Variants in DIP2B observed in about 807,000 individuals in gnomAD.
DIP2B encodes DIP2 acetate--CoA ligase B (putative), also known as disco-interacting protein 2 homolog B.
In DIP2B, 76 loss-of-function variants were observed where a neutral mutation model predicts 198.0. The observed-to-expected ratio is 0.38, with a 90% CI of 0.32 to 0.46. The LOEUF (loss-of-function observed/expected upper bound fraction) is 0.46, where lower values mean the gene tolerates loss of function less well. DIP2B is among the 20% of genes least tolerant of loss of function. The pLI is 0.99. For missense variants in DIP2B, 1,559 were observed against 1,978.4 expected, an observed-to-expected ratio of 0.79 and a Z score of 4.02; for synonymous variants, 701 against 739.1, an observed-to-expected ratio of 0.95 and a Z score of 0.84.
intron 1 of DIP2B, among the ~76,000 whole-genome samples, chr12:50,576,337 G>A (rs1379350565): frequency 3.3e-5 from 5 of 150,446 alleles, no homozygotes; most frequent in Non-Finnish European, 7.4e-5. Flanking sequence ...AAAGTGCTGG[G>A]ATTACAGATG....
chr12:50,557,188 T>C (rs1958479178), intron 1 of DIP2B, among the ~76,000 whole-genome samples: 1 of 152,218 alleles, frequency 6.6e-6, no homozygotes, highest in African/African-American at 2.4e-5. Context: ...TCTTTATCTA[T>C]AAAATGGAGA....
intron 1 of DIP2B, among the ~76,000 whole-genome samples, chr12:50,585,731 C>T (rs542947104): frequency 5.3e-5 from 8 of 152,222 alleles, no homozygotes; most frequent in Admixed American, 3.9e-4. Flanking sequence ...AAGGTATAGA[C>T]GTGATCTAAT....
chr12:50,507,371 G>T (rs1406739652), intron 1 of DIP2B, among the ~76,000 whole-genome samples: 2 of 152,210 alleles, frequency 1.3e-5, no homozygotes, highest in Non-Finnish European at 2.9e-5. Context: ...TGGAGAAGTG[G>T]ATAGACATTA....
At chr12:50,725,870 T>TA (rs144690452) in intron 28 of DIP2B, among the ~76,000 whole-genome samples, 15,850 of 151,148 alleles carry the variant, frequency 0.1, 1,154 homozygotes, top group Non-Finnish European at 0.16. Context: ...TTTTTTTTTT[T>TA]AACTCTGGAT....
rs1938846799 is a variant in DIP2B, at chr12:50,671,210, A to G, written c.452A>G (p.Glu151Gly). 6.2e-7 allele frequency: 1 copy of G among 1,614,160 alleles called. No individual in the cohort carries two copies. Among genetic ancestry groups the G allele is most frequent in the Non-Finnish European group, 8.5e-7 (1 of 1,180,040 alleles). Residue 151 changes from glutamate (E) to glycine (G), a missense_variant, in exon 5 of 38, where the codon GAG becomes GGG. Transcript: ENST00000301180. ...GACACATCTTCGGCCTCTGAGGATG[A>G]GGGCTCTCTGAGACGCCAAGCTGCG... ...PPDTSSASED[E>G]GSLRRQAALS...
At chr12:50,737,250 C>A in intron 35 of DIP2B, 140 bp downstream of exon 35, 1 of 734,556 alleles carries the variant, frequency 1.4e-6, no homozygotes, top group Non-Finnish European at 2.2e-6. Context: ...AGGCATGAGA[C>A]TGAAATTGAC....
chr12:50,731,677 A>C (rs1940045199), intron 31 of DIP2B, 140 bp downstream of exon 31: 1 of 1,009,888 alleles, frequency 9.9e-7, no homozygotes, highest in South Asian at 2.1e-5. Context: ...GGTGTATTTT[A>C]AACTTTGGCA....
At chr12:50,658,070 TA>T (rs1307295976) in intron 3 of DIP2B, among the ~76,000 whole-genome samples, 1 of 132,744 alleles carries the variant, frequency 7.5e-6, no homozygotes, top group African/African-American at 2.9e-5. Flanking sequence ...GCAGCATACA[TA>T]GCAAGACCTC....
chr12:50,722,454 A>G (rs1939857260), intron 26 of DIP2B, among the ~76,000 whole-genome samples: 1 of 151,934 alleles, frequency 6.6e-6, no homozygotes, highest in South Asian at 2.1e-4. Context: ...GGGTTTCACC[A>G]TGTTGGCCAG....
chr12:50,607,885 C>T (rs906429825), intron 1 of DIP2B, among the ~76,000 whole-genome samples: 2 of 152,198 alleles, frequency 1.3e-5, no homozygotes, highest in Non-Finnish European at 2.9e-5. Flanking sequence ...CCTCTGCCTC[C>T]TGGATTCAAG....
intron 1 of DIP2B, among the ~76,000 whole-genome samples, chr12:50,510,509 A>T (rs949114825): frequency 6.6e-6 from 1 of 152,178 alleles, no homozygotes; most frequent in Admixed American, 6.5e-5. Flanking sequence ...GGGCCTTCAT[A>T]CTATATTTGT....
chr12:50,534,372 T>G (rs1958245103), intron 1 of DIP2B, among the ~76,000 whole-genome samples: 1 of 143,418 alleles, frequency 7.0e-6, no homozygotes, highest in Non-Finnish European at 1.5e-5. Context: ...TCATTTCATT[T>G]TTTTTTTTTT....
chr12:50,553,243 T>C (rs564615418), intron 1 of DIP2B, among the ~76,000 whole-genome samples: 1 of 152,354 alleles, frequency 6.6e-6, no homozygotes, highest in Non-Finnish European at 1.5e-5. Flanking sequence ...CTTTTCCCCA[T>C]TGAGTGGTCT....
rs376495866 is a variant in DIP2B at position 50,658,963 on chromosome 12, T to C, written c.302-1231T>C. On this transcript the variant is annotated intron_variant, in intron 3 of 37. Transcript: ENST00000301180. Reference sequence around the variant, plus strand: ...TTAGCTGGGCGTGGTGGCGTGTACCTGTAGTCCCAGCTACTTGGGAGGCTG... The same window carrying C: ...TTAGCTGGGCGTGGTGGCGTGTACCCGTAGTCCCAGCTACTTGGGAGGCTG... Among the ~76,000 whole-genome samples, 51 of 152,282 alleles carry C rather than the reference T, an allele frequency of 3.3e-4. No homozygotes were observed. In the East Asian group the frequency reaches 7.7e-3, roughly 23 times the overall value.
At chr12:50,527,539 G>C (rs1433827352) in intron 1 of DIP2B, among the ~76,000 whole-genome samples, 2 of 152,156 alleles carry the variant, frequency 1.3e-5, no homozygotes, top group Admixed American at 1.3e-4. Flanking sequence ...ACTTTGGGAG[G>C]CCGAGGCGGG....
At chr12:50,626,442 T>C (rs947993776) in intron 2 of DIP2B, among the ~76,000 whole-genome samples, 5 of 152,098 alleles carry the variant, frequency 3.3e-5, no homozygotes, top group Non-Finnish European at 5.9e-5. Flanking sequence ...TACTTGAGGA[T>C]TGGGGGGTAA....
rs117238538 is a variant in DIP2B at position 50,694,476 on chromosome 12, C to T, written c.1720-791C>T. 1.2e-3 allele frequency among the ~76,000 whole-genome samples: 178 copies of T among 151,820 alleles called. 1 individual carries two copies. Among genetic ancestry groups the T allele is most frequent in the Admixed American group, 1.4e-3 (22 of 15,222 alleles). On this transcript the variant is annotated intron_variant, in intron 14 of 37. Transcript: ENST00000301180. ...CACCACTGTACTCTAGCCTGGGCAA[C>T]AGAGCAGGACTCTGTCTCAGATAAA... is the stretch of plus-strand genomic sequence containing the variant.
chr12:50,712,956 C>T (rs1939646589), intron 22 of DIP2B, among the ~76,000 whole-genome samples: 2 of 152,002 alleles, frequency 1.3e-5, no homozygotes, highest in South Asian at 4.2e-4. Flanking sequence ...AGAAATTCTT[C>T]AAGTATTAAA....
At chr12:50,735,166 G>A in intron 34 of DIP2B, 36 bp downstream of exon 34, 1 of 1,610,234 alleles carries the variant, frequency 6.2e-7, no homozygotes, top group Non-Finnish European at 8.5e-7. Context: ...AAGGTGGGCT[G>A]TGTGGAGAAG....
Sources: gnomAD v4.1 joint callset for allele counts (sites outside exome capture counted in the v4.1 genomes callset) on GRCh38, gnomAD v4.1.1 for gene constraint, MANE v1.5 for transcripts, NCBI Gene and HGNC (gene_info 2026-07-23, HGNC 2026-07-21) for gene names.